BRIP1: variants seen among roughly 807,000 people sequenced by gnomAD.
BRIP1 encodes the protein Fanconi anemia group J protein.
BRIP1 carries 88 observed loss-of-function variants against 119.7 expected under a neutral mutation model. The ratio of observed to expected loss-of-function variants is 0.74; its 90% confidence interval spans 0.62 to 0.88. The LOEUF (loss-of-function observed/expected upper bound fraction) is 0.88, where lower values mean the gene tolerates loss of function less well. BRIP1 is among the 40% of genes least tolerant of loss of function. The probability of loss-of-function intolerance (pLI) is 0.00; values close to 1 mark genes in which losing one functional copy is unlikely to be tolerated. For synonymous variants in BRIP1, 443 were observed against 496.5 expected, an observed-to-expected ratio of 0.89 and a Z score of 1.43; for missense variants, 1,259 against 1,455.4, an observed-to-expected ratio of 0.87 and a Z score of 2.20.
chr17:61,789,458 C>T lies in BRIP1; in HGVS notation c.1473+4139G>A, dbSNP rs1197399761. 6.6e-6 allele frequency among the ~76,000 whole-genome samples: 1 copy of T among 151,924 alleles called. No homozygotes were observed. The highest frequency in any genetic ancestry group is 1.5e-5 in the Non-Finnish European group (1 of 67,970). ...CAACATAAACAAAATGAATCCAAGG[C>T]TTTGTAAAAGTATTTATAAATCCCA... On this transcript the variant is annotated intron_variant, in intron 10 of 19. Coordinates refer to ENST00000259008, the MANE Select transcript of BRIP1 (RefSeq NM_032043.3). This position sits in a 1 kb window ranked among gnomAD's most constrained non-coding sequence, Gnocchi z 4.8.
In BRIP1 at chr17:61,768,780, T is replaced by C. The variant is rs1329355734; in HGVS notation, c.2097+7621A>G. Among the ~76,000 whole-genome samples the C allele has an allele frequency of 6.6e-6, 1 of 152,114 alleles. No homozygotes were observed. The highest frequency in any genetic ancestry group is 1.9e-4 in the East Asian group (1 of 5,204). On this transcript the variant is annotated intron_variant, in intron 14 of 19. Transcript: ENST00000259008. The surrounding 1 kb of genome is among the most constrained non-coding windows in gnomAD (Gnocchi z 5.0). Reference sequence around the variant, plus strand: ...TCCATGATTAGATTATATTATGTAGTAAAGATGAGGGGATTTTATGAACGT... The same window carrying C: ...TCCATGATTAGATTATATTATGTAGCAAAGATGAGGGGATTTTATGAACGT...
chr17:61,799,754 C>A lies in BRIP1; in HGVS notation c.1141-455G>T, dbSNP rs1168372838. On this transcript the variant is annotated intron_variant, in intron 8 of 19. Transcript: ENST00000259008. This position sits in a 1 kb window ranked among gnomAD's most constrained non-coding sequence, Gnocchi z 5.1. ...CATAAAACCTTTAAAAGTAAAATAA[C>A]AATACAAGATTAAAATGACTCTTAA... Among the ~76,000 whole-genome samples, 1 of 151,714 alleles carries A rather than the reference C, an allele frequency of 6.6e-6. No individual in the cohort carries two copies. Among genetic ancestry groups the A allele is most frequent in the Non-Finnish European group, 1.5e-5 (1 of 67,860 alleles).
At position 61,703,310 on chromosome 17, in the gene BRIP1, C is replaced by T. The variant is rs1037134531; in HGVS notation, c.2493-9798G>A. Among the ~76,000 whole-genome samples, 4 of 152,136 alleles carry T rather than the reference C, an allele frequency of 2.6e-5. No homozygotes were observed. Among genetic ancestry groups the T allele is most frequent in the Admixed American group, 6.6e-5 (1 of 15,266 alleles). The stretch of plus-strand genomic sequence containing the variant: ...AACTCCTGACCTCAAGTGACCTGCC[C>T]GCCTTGACCTCCCAGTGCTGAGATT... On this transcript the variant is annotated intron_variant, in intron 17 of 19. Transcript: ENST00000259008. The surrounding 1 kb of genome is among the most constrained non-coding windows in gnomAD (Gnocchi z 5.0).
In BRIP1 at chr17:61,739,996, G is replaced by A. The variant is rs980137396; in HGVS notation, c.2379+3017C>T. 6.6e-6 allele frequency among the ~76,000 whole-genome samples: 1 copy of A among 152,130 alleles called. No individual in the cohort carries two copies. Among genetic ancestry groups the A allele is most frequent in the African/African-American group, 2.4e-5 (1 of 41,430 alleles). On this transcript the variant is annotated intron_variant, in intron 16 of 19. Transcript: ENST00000259008. The surrounding 1 kb of genome is among the most constrained non-coding windows in gnomAD (Gnocchi z 6.0). ...TTCCATTGTAAGTAATCGCATAACC[G>A]GGCAAAATGGAGCAATTGTTTTCAG...
Position 61,699,389 on chromosome 17 carries a change from A to G in BRIP1, c.2493-5877T>C, listed in dbSNP as rs1267951383. Among the ~76,000 whole-genome samples the G allele has an allele frequency of 9.2e-5, 14 of 152,114 alleles. No individual in the cohort carries two copies. The highest frequency in any genetic ancestry group is 4.6e-4 in the Admixed American group (7 of 15,270). On this transcript the variant is annotated intron_variant, in intron 17 of 19. Transcript: ENST00000259008. The surrounding 1 kb of genome is among the most constrained non-coding windows in gnomAD (Gnocchi z 4.8). ...TTTCCATTACTTTCCATTTTCTCCA[A>G]TAGACACTTTCCAGTATATAATTTT...
rs2077184394 is a variant in BRIP1, at chr17:61,755,208, G to C, written c.2098-10617C>G. Among the ~76,000 whole-genome samples the C allele has an allele frequency of 6.6e-6, 1 of 152,214 alleles. No homozygotes were observed. Among genetic ancestry groups the C allele is most frequent in the Admixed American group, 6.6e-5 (1 of 15,264 alleles). ...AAGGTCCAAAACAATGGAAGGTCAG[G>C]GAGGAGAGTAGGGAGGGGTAAAACA... is the stretch of plus-strand genomic sequence containing the variant. On this transcript the variant is annotated intron_variant, in intron 14 of 19. Coordinates refer to ENST00000259008, the MANE Select transcript of BRIP1 (RefSeq NM_032043.3). The surrounding 1 kb of genome is among the most constrained non-coding windows in gnomAD (Gnocchi z 4.5).
intron 14 of BRIP1, among the ~76,000 whole-genome samples, chr17:61,763,513 T>C (rs1270707992): frequency 1.3e-5 from 2 of 151,708 alleles, no homozygotes; most frequent in Non-Finnish European, 2.9e-5. Context: ...CAAGCTAACA[T>C]TATCTACACT....
Position 61,862,675 on chromosome 17 carries a change from G to A in BRIP1, c.-31+609C>T, listed in dbSNP as rs2078987873. On this transcript the variant is annotated intron_variant, in intron 1 of 19. Coordinates refer to ENST00000259008, the MANE Select transcript of BRIP1 (RefSeq NM_032043.3). The surrounding 1 kb of genome is among the most constrained non-coding windows in gnomAD (Gnocchi z 5.3). ...TCTCAAGGAAATCAAAATAGCGGGG[G>A]AAATTACATGCACTGTTATTAAATA... Among the ~76,000 whole-genome samples the A allele has an allele frequency of 6.6e-6, 1 of 152,170 alleles. No homozygotes were observed. The highest frequency in any genetic ancestry group is 2.4e-5 in the African/African-American group (1 of 41,428).
chr17:61,817,223 G>A (rs1052772350), intron 6 of BRIP1, among the ~76,000 whole-genome samples: 2 of 152,042 alleles, frequency 1.3e-5, no homozygotes, highest in African/African-American at 4.8e-5. Flanking sequence ...TGGGAATAGA[G>A]AAACTGTGGT....
At position 61,841,557 on chromosome 17, in the gene BRIP1, T is replaced by C. The variant is rs1213658752; in HGVS notation, c.627+5544A>G. On this transcript the variant is annotated intron_variant, in intron 6 of 19. Transcript: ENST00000259008. This position sits in a 1 kb window ranked among gnomAD's most constrained non-coding sequence, Gnocchi z 4.1. ...AAAAGACAAAAAAAAATAACAAATG[T>C]TAGTGACGATGTGGAGAAGAAACTC... Among the ~76,000 whole-genome samples, 2 of 151,984 alleles carry C rather than the reference T, an allele frequency of 1.3e-5. No homozygotes were observed. Among genetic ancestry groups the C allele is most frequent in the Non-Finnish European group, 2.9e-5 (2 of 67,980 alleles).
intron 16 of BRIP1, among the ~76,000 whole-genome samples, chr17:61,731,543 G>C (rs2076842946): frequency 6.6e-6 from 1 of 152,172 alleles, no homozygotes; most frequent in South Asian, 2.1e-4. Context: ...CACAACTTCA[G>C]CTTCTTTCAG....
chr17:61,841,246 A>G lies in BRIP1; in HGVS notation c.627+5855T>C, dbSNP rs1260892795. Reference sequence around the variant, plus strand: ...GTATCAAACTAAAAAGCTTCTGCACAGCAAAGGAAACAACAGAGTATAGAG... The same window carrying G: ...GTATCAAACTAAAAAGCTTCTGCACGGCAAAGGAAACAACAGAGTATAGAG... On this transcript the variant is annotated intron_variant, in intron 6 of 19. Coordinates refer to ENST00000259008, the MANE Select transcript of BRIP1 (RefSeq NM_032043.3). The surrounding 1 kb of genome is among the most constrained non-coding windows in gnomAD (Gnocchi z 4.1). Among the ~76,000 whole-genome samples, 1 of 152,216 alleles carries G rather than the reference A, an allele frequency of 6.6e-6. No homozygotes were observed. The highest frequency in any genetic ancestry group is 1.5e-5 in the Non-Finnish European group (1 of 68,042).
rs1297438915 is a variant in BRIP1, at chr17:61,701,652, T to C, written c.2493-8140A>G. 6.6e-6 allele frequency among the ~76,000 whole-genome samples: 1 copy of C among 152,230 alleles called. No individual in the cohort carries two copies. Among genetic ancestry groups the C allele is most frequent in the Non-Finnish European group, 1.5e-5 (1 of 68,028 alleles). On this transcript the variant is annotated intron_variant, in intron 17 of 19. Coordinates refer to ENST00000259008, the MANE Select transcript of BRIP1 (RefSeq NM_032043.3). The surrounding 1 kb of genome is among the most constrained non-coding windows in gnomAD (Gnocchi z 5.1). ...GGCCCACTAAAATCCCAGGAATATG[T>C]CAGAACTTTAAAAGCTCTCTATGGA...
intron 14 of BRIP1, among the ~76,000 whole-genome samples, chr17:61,771,115 T>C (rs75167561): frequency 4.6e-5 from 7 of 152,210 alleles, no homozygotes. Context: ...TATTAATTCA[T>C]CCTATAATGC....
chr17:61,688,747 C>A (rs2061399170), intron 18 of BRIP1, among the ~76,000 whole-genome samples: 2 of 144,632 alleles, frequency 1.4e-5, no homozygotes, highest in Admixed American at 6.8e-5. Context: ...CTCCAGAAAC[C>A]AACCCTTAAA....
rs1210728784 is a variant in BRIP1, at chr17:61,799,065, G to C, written c.1340+35C>G. The C allele has an allele frequency of 1.9e-6, 3 of 1,565,620 alleles. No individual in the cohort carries two copies. Among genetic ancestry groups the C allele is most frequent in the African/African-American group, 1.4e-5 (1 of 73,986 alleles). On this transcript the variant is annotated intron_variant, in intron 9 of 19. Transcript: ENST00000259008. The surrounding 1 kb of genome is among the most constrained non-coding windows in gnomAD (Gnocchi z 5.1). ...AATCAAACATATTTTTCATATAAAGGCAGCACAAATACACTAATAGACAAA... is the reference window on the plus strand; with the variant it reads ...AATCAAACATATTTTTCATATAAAGCCAGCACAAATACACTAATAGACAAA...
chr17:61,822,933 T>C lies in BRIP1; in HGVS notation c.628-14176A>G, dbSNP rs2078348456. Reference sequence around the variant, plus strand: ...GAAGGCTGAGGAACTATGGTCAAAATAGCAGATCATCAACACAGATCATGA... The same window carrying C: ...GAAGGCTGAGGAACTATGGTCAAAACAGCAGATCATCAACACAGATCATGA... On this transcript the variant is annotated intron_variant, in intron 6 of 19. Transcript: ENST00000259008. The surrounding 1 kb of genome is among the most constrained non-coding windows in gnomAD (Gnocchi z 4.4). Among the ~76,000 whole-genome samples, 1 of 152,172 alleles carries C rather than the reference T, an allele frequency of 6.6e-6. No homozygotes were observed. Among genetic ancestry groups the C allele is most frequent in the African/African-American group, 2.4e-5 (1 of 41,448 alleles).
rs757668121 is a variant in BRIP1, at chr17:61,686,079, G to A, written c.2662C>T (p.His888Tyr). The A allele has an allele frequency of 6.2e-6, 10 of 1,614,004 alleles. No individual in the cohort carries two copies. In the Admixed American group the frequency reaches 1.5e-4, roughly 24 times the overall value. The change falls in exon 19 of 20, where the codon CAT becomes TAT. Residue 888 changes from histidine to tyrosine, a missense_variant. This residue lies in a region of BRIP1 where 753 missense variants were observed against 891.8 expected (regional missense o/e 0.84). Transcript: ENST00000259008. The surrounding 1 kb of genome is among the most constrained non-coding windows in gnomAD (Gnocchi z 5.4). ...LESLAEFSKK[H>Y]QKVLNVSIKD... ...ATGGATACATTAAGAACTTTTTGAT[G>A]CTTTTTGGAAAATTCAGCCAAGGAT... is the stretch of plus-strand genomic sequence containing the variant.
rs1276925858 is a variant in BRIP1 at position 61,755,763 on chromosome 17, A to C, written c.2098-11172T>G. 6.6e-6 allele frequency among the ~76,000 whole-genome samples: 1 copy of C among 152,016 alleles called. No individual in the cohort carries two copies. Among genetic ancestry groups the C allele is most frequent in the Non-Finnish European group, 1.5e-5 (1 of 68,010 alleles). On this transcript the variant is annotated intron_variant, in intron 14 of 19. Transcript: ENST00000259008. This position sits in a 1 kb window ranked among gnomAD's most constrained non-coding sequence, Gnocchi z 4.5. ...TCCCCTCCCTTCCGGAAGAAAACAG[A>C]CAGGTAAAGATTTAGAAAGAACAAT...
Sources: allele counts gnomAD v4.1 joint callset (sites outside exome capture counted in the v4.1 genomes callset), GRCh38; gene constraint gnomAD v4.1.1; regional missense constraint gnomAD v4.1.1; non-coding constraint Gnocchi (gnomAD v3.1); transcripts MANE v1.5; gene names NCBI Gene and HGNC (gene_info 2026-07-23, HGNC 2026-07-21).